The following MAPKAP1 variants were observed in gnomAD, a reference collection of about 807,000 sequenced individuals.
MAPKAP1 encodes MAPK associated protein 1.
MAPKAP1 carries 20 observed loss-of-function variants against 65.7 expected under a neutral mutation model. That is an observed-to-expected ratio of 0.30 (90% confidence interval 0.21 to 0.44). The LOEUF is 0.44. Among genes scored for constraint, MAPKAP1 ranks in the 20% least tolerant of loss-of-function variants. The pLI is 1.00. For synonymous variants in MAPKAP1, 222 were observed against 244.3 expected, an observed-to-expected ratio of 0.91 and a Z score of 0.85; for missense variants, 423 against 648.0, an observed-to-expected ratio of 0.65 and a Z score of 3.77.
intron 6 of MAPKAP1, among the ~76,000 whole-genome samples, chr9:125,547,136 CG>C (rs1178644020): frequency 1.3e-5 from 2 of 152,158 alleles, no homozygotes; most frequent in African/African-American, 4.8e-5. Context: ...AGTTCAGCTC[CG>C]TCCCAGCGCA....
chr9:125,459,136 G>T (rs939795102), intron 10 of MAPKAP1, among the ~76,000 whole-genome samples: 1 of 148,662 alleles, frequency 6.7e-6, no homozygotes, highest in African/African-American at 2.5e-5. Flanking sequence ...CCTCCCAGAC[G>T]GGGTCGCGGC....
At chr9:125,646,626 C>T (rs1833732997) in intron 4 of MAPKAP1, among the ~76,000 whole-genome samples, 1 of 151,934 alleles carries the variant, frequency 6.6e-6, no homozygotes, top group South Asian at 2.1e-4. Flanking sequence ...AAAACAATAA[C>T]ATCATTTAAA....
chr9:125,515,450 G>A (rs1271285929), intron 7 of MAPKAP1, among the ~76,000 whole-genome samples: 1 of 152,134 alleles, frequency 6.6e-6, no homozygotes, highest in Non-Finnish European at 1.5e-5. Flanking sequence ...AAGCAGAGAC[G>A]AGAAAGATAA....
intron 4 of MAPKAP1, among the ~76,000 whole-genome samples, chr9:125,650,024 C>G (rs746305441): frequency 2.6e-4 from 39 of 152,120 alleles, no homozygotes; most frequent in Non-Finnish European, 4.3e-4. Context: ...AAGCCGGACA[C>G]GGACCAGGAA....
chr9:125,516,987 T>C (rs1829478910), intron 7 of MAPKAP1, among the ~76,000 whole-genome samples: 1 of 152,200 alleles, frequency 6.6e-6, no homozygotes, highest in Non-Finnish European at 1.5e-5. Flanking sequence ...TTTCCATGCA[T>C]TTGCTTTCCG....
At chr9:125,626,837 A>G (rs568716029) in intron 4 of MAPKAP1, among the ~76,000 whole-genome samples, 1 of 152,378 alleles carries the variant, frequency 6.6e-6, no homozygotes, top group South Asian at 2.1e-4. Context: ...TGTCCAAAAT[A>G]CTTAACAATA....
intron 4 of MAPKAP1, among the ~76,000 whole-genome samples, chr9:125,618,235 G>C (rs1336418573): frequency 2.0e-5 from 3 of 147,890 alleles, no homozygotes; most frequent in African/African-American, 7.5e-5. Context: ...CCAGCTACTA[G>C]AGAGGCTGAG....
chr9:125,441,858 C>T (rs1273680040), intron 11 of MAPKAP1, among the ~76,000 whole-genome samples: 4 of 152,020 alleles, frequency 2.6e-5, no homozygotes, highest in Admixed American at 6.5e-5. Flanking sequence ...CCGGGCCTGG[C>T]GGCTCATGTC....
chr9:125,538,548 T>TG (rs1189708419), intron 7 of MAPKAP1, among the ~76,000 whole-genome samples: 2 of 151,252 alleles, frequency 1.3e-5, no homozygotes, highest in South Asian at 2.1e-4. Flanking sequence ...TTTGGTGGGG[T>TG]GGGGGGTTAA....
chr9:125,664,541 A>G lies in MAPKAP1; in HGVS notation c.349+5277T>C, dbSNP rs192499968. On this transcript the variant is annotated intron_variant, in intron 3 of 11. Coordinates refer to ENST00000265960, the MANE Select transcript of MAPKAP1 (RefSeq NM_001006617.3). ...GGAGTTTGAGACCAGCCTGGCCAAC[A>G]TGGTGAAACCCCGTCTCTACTAAAA... 2.9e-3 allele frequency among the ~76,000 whole-genome samples: 441 copies of G among 151,266 alleles called. 2 individuals carry two copies. The highest frequency in any genetic ancestry group is 5.1e-3 in the Non-Finnish European group (346 of 67,784).
At chr9:125,669,144 C>A (rs927586838) in intron 3 of MAPKAP1, among the ~76,000 whole-genome samples, 1 of 148,464 alleles carries the variant, frequency 6.7e-6, no homozygotes, top group East Asian at 2.0e-4. Context: ...GGCACCACTG[C>A]ACTCCAGCCT....
intron 9 of MAPKAP1, among the ~76,000 whole-genome samples, chr9:125,476,647 G>A (rs568673077): frequency 3.9e-5 from 6 of 152,072 alleles, no homozygotes; most frequent in Admixed American, 1.3e-4. Flanking sequence ...CCAGGCCACC[G>A]CTGCTGCTTT....
chr9:125,550,177 C>T (rs567443779), intron 6 of MAPKAP1, among the ~76,000 whole-genome samples: 2 of 152,270 alleles, frequency 1.3e-5, no homozygotes, highest in East Asian at 1.9e-4. Flanking sequence ...GGAAATCAAA[C>T]GCTTCGTTCT....
At chr9:125,683,067 TGCCTCA>T (rs1834871329) in intron 1 of MAPKAP1, among the ~76,000 whole-genome samples, 1 of 151,772 alleles carries the variant, frequency 6.6e-6, no homozygotes, top group African/African-American at 2.4e-5. Flanking sequence ...GCGATTCTCC[TGCCTCA>T]GCCTCCCTAG....
At chr9:125,525,038 C>A (rs1045986417) in intron 7 of MAPKAP1, among the ~76,000 whole-genome samples, 11 of 152,346 alleles carry the variant, frequency 7.2e-5, no homozygotes, top group Non-Finnish European at 1.6e-4. Flanking sequence ...ACATTCTGGG[C>A]TGTACCTAAT....
intron 9 of MAPKAP1, among the ~76,000 whole-genome samples, chr9:125,470,461 C>T (rs926185493): frequency 6.6e-6 from 1 of 152,246 alleles, no homozygotes; most frequent in Non-Finnish European, 1.5e-5. Flanking sequence ...ACAGAGCCTA[C>T]TTCACAAAGC....
chr9:125,465,888 G>A (rs907212151), intron 10 of MAPKAP1, among the ~76,000 whole-genome samples: 9 of 152,196 alleles, frequency 5.9e-5, no homozygotes, highest in African/African-American at 2.2e-4. Context: ...ATGTTTGTAA[G>A]TTAGAGAGGG....
chr9:125,534,261 A>T (rs913237722), intron 7 of MAPKAP1, among the ~76,000 whole-genome samples: 1 of 152,234 alleles, frequency 6.6e-6, no homozygotes, highest in African/African-American at 2.4e-5. Context: ...AACCCAAAGG[A>T]TTTACACCAA....
intron 4 of MAPKAP1, among the ~76,000 whole-genome samples, chr9:125,615,214 T>C (rs1832711243): frequency 1.3e-5 from 2 of 152,136 alleles, no homozygotes; most frequent in Admixed American, 1.3e-4. Flanking sequence ...ACAAACTATA[T>C]ATATATATGA....
Sources: gnomAD v4.1 joint callset for allele counts (sites outside exome capture counted in the v4.1 genomes callset) on GRCh38, gnomAD v4.1.1 for gene constraint, MANE v1.5 for transcripts, NCBI Gene and HGNC (gene_info 2026-07-23, HGNC 2026-07-21) for gene names.